Variants in DCAF1 observed in about 807,000 individuals in gnomAD.
DCAF1 encodes DDB1- and CUL4-associated factor 1.
DCAF1 carries 15 observed loss-of-function variants against 128.0 expected under a neutral mutation model. That is an observed-to-expected ratio of 0.12 (90% CI 0.08 to 0.18). The LOEUF is 0.18. DCAF1 is among the 10% of genes least tolerant of loss of function. DCAF1 has a pLI of 1.00. For synonymous variants in DCAF1, 610 were observed against 603.0 expected, an observed-to-expected ratio of 1.01 and a Z score of -0.17; for missense variants, 988 against 1,649.5, an observed-to-expected ratio of 0.60 and a Z score of 6.95.
At chr3:51,419,619 T>A (rs2107330855) in intron 15 of DCAF1, 115 bp downstream of exon 15, 1 of 1,476,342 alleles carries the variant, frequency 6.8e-7, no homozygotes. Flanking sequence ...TGTTCAAGTA[T>A]TACACAAAGT....
chr3:51,411,695 T>C (rs772803539), intron 23 of DCAF1, among the ~76,000 whole-genome samples: 52 of 152,260 alleles, frequency 3.4e-4, no homozygotes, highest in Non-Finnish European at 6.5e-4. Flanking sequence ...ACCAGAACTT[T>C]ATAAAGGTTA....
intron 6 of DCAF1, among the ~76,000 whole-genome samples, chr3:51,451,478 AAAAT>A (rs1553641485): frequency 1.3e-5 from 2 of 152,048 alleles, no homozygotes; most frequent in Non-Finnish European, 2.9e-5. Context: ...TTAAAAAATA[AAAAT>A]AAATAGATTT....
At chr3:51,457,708 T>A (rs538515353) in intron 6 of DCAF1, among the ~76,000 whole-genome samples, 5 of 152,132 alleles carry the variant, frequency 3.3e-5, no homozygotes, top group Non-Finnish European at 7.4e-5. Flanking sequence ...GACTAACAGC[T>A]GATCTCTCTG....
rs1699274072 is a variant in DCAF1 at position 51,420,226 on chromosome 3, C to A, written c.2744G>T (p.Ser915Ile). The change falls in exon 15 of 25, where the codon AGC (serine) becomes ATC (isoleucine). Residue 915 changes from serine (S) to isoleucine (I), a missense_variant. Transcript: ENST00000684031. The surrounding 1 kb of genome is among the most constrained non-coding windows in gnomAD (Gnocchi z 6.5). ...CGCAGAGGCACCCACAGCAGCATGG[C>A]TGCCCAGACGAGTTGCAATGCCATT... ...IANGIATRLG[S>I]HAAVGASAPS... The A allele has an allele frequency of 6.2e-7, 1 of 1,613,888 alleles. No homozygotes were observed.
chr3:51,416,995 CA>C, intron 17 of DCAF1, 124 bp from the exon 18 acceptor site: 1 of 1,430,078 alleles, frequency 7.0e-7, no homozygotes, highest in South Asian at 1.3e-5. Context: ...CCTGGACTCC[CA>C]AAGAGGAAAC....
chr3:51,464,201 T>C (rs1288835451), intron 5 of DCAF1, among the ~76,000 whole-genome samples: 1 of 151,962 alleles, frequency 6.6e-6, no homozygotes, highest in Non-Finnish European at 1.5e-5. Context: ...AGCAGGGCAA[T>C]ATGAGCTCCA....
upstream of DCAF1, among the ~76,000 whole-genome samples, chr3:51,502,342 G>A (rs1708840426): frequency 6.6e-6 from 1 of 152,078 alleles, no homozygotes; most frequent in Non-Finnish European, 1.5e-5. Context: ...AGACCAACCT[G>A]GGCAACATAG....
At chr3:51,429,890 GA>G (rs112905156) in intron 11 of DCAF1, 142 bp downstream of exon 11, 8,021 of 464,168 alleles carry the variant, frequency 0.017, 6 homozygotes, top group South Asian at 0.022. Context: ...TGAAGAAAGG[GA>G]AAAAAAAAAA....
At chr3:51,465,337 C>T (rs113779630) in intron 5 of DCAF1, among the ~76,000 whole-genome samples, 1,756 of 152,206 alleles carry the variant, frequency 0.012, 46 homozygotes, top group African/African-American at 0.038. Flanking sequence ...ACGTAAAATT[C>T]GAGGTGTATA....
At chr3:51,422,848 G>A (rs531321638) in intron 13 of DCAF1, among the ~76,000 whole-genome samples, 3 of 152,118 alleles carry the variant, frequency 2.0e-5, no homozygotes, top group Admixed American at 1.3e-4. Flanking sequence ...AGGATCACTT[G>A]AACCCAGGAG....
intron 2 of DCAF1, among the ~76,000 whole-genome samples, chr3:51,496,336 A>T (rs1421127499): frequency 6.6e-6 from 1 of 152,142 alleles, no homozygotes; most frequent in Non-Finnish European, 1.5e-5. Context: ...CTGAGGCAGC[A>T]GAATCGCTTG....
In DCAF1 at chr3:51,467,149, T is replaced by A. The variant is rs188092521; in HGVS notation, c.188-273A>T. Among the ~76,000 whole-genome samples, 3 of 152,158 alleles carry A rather than the reference T, an allele frequency of 2.0e-5. No homozygotes were observed. The East Asian group carries it at 5.8e-4, about 29-fold the overall frequency. On this transcript the variant is annotated intron_variant, in intron 4 of 24. Coordinates refer to ENST00000684031, the MANE Select transcript of DCAF1 (RefSeq NM_001387579.1). Reference sequence around the variant, plus strand: ...GAGTTTGAGAACAGCCTGGCCAACATGGCGAAATCCCATCTCTACTAAAAA... The same window carrying A: ...GAGTTTGAGAACAGCCTGGCCAACAAGGCGAAATCCCATCTCTACTAAAAA...
chr3:51,456,970 G>C (rs546125788), intron 6 of DCAF1, among the ~76,000 whole-genome samples: 1 of 152,222 alleles, frequency 6.6e-6, no homozygotes, highest in South Asian at 2.1e-4. Flanking sequence ...GAAAAAAACA[G>C]AGCAGAAAAA....
chr3:51,479,751 G>A (rs183849993), intron 3 of DCAF1, among the ~76,000 whole-genome samples: 133 of 151,634 alleles, frequency 8.8e-4, no homozygotes, highest in African/African-American at 2.3e-3. Context: ...AGCCAAGATC[G>A]CGCCACTGCA....
At chr3:51,474,604 TG>T (rs1553649724) in intron 3 of DCAF1, among the ~76,000 whole-genome samples, 1 of 151,136 alleles carries the variant, frequency 6.6e-6, no homozygotes, top group African/African-American at 2.4e-5. Context: ...TTGTTGGTGA[TG>T]GTTTTTTTTT....
At chr3:51,460,888 T>TA (rs1428470640) in intron 6 of DCAF1, among the ~76,000 whole-genome samples, 1 of 150,428 alleles carries the variant, frequency 6.6e-6, no homozygotes, top group Admixed American at 6.6e-5. Context: ...ATCCCTTCCT[T>TA]ACACCTTATA....
chr3:51,426,249 G>A (rs1272356341), intron 13 of DCAF1, among the ~76,000 whole-genome samples: 2 of 151,350 alleles, frequency 1.3e-5, no homozygotes, highest in South Asian at 2.1e-4. Flanking sequence ...TTGCTCTGTC[G>A]CCTAGGCTGG....
intron 23 of DCAF1, among the ~76,000 whole-genome samples, chr3:51,408,434 C>G (rs1553627369): frequency 6.6e-6 from 1 of 152,184 alleles, no homozygotes; most frequent in Non-Finnish European, 1.5e-5. Flanking sequence ...GACCTGAGAA[C>G]AGATATCTAG....
chr3:51,437,019 T>C (rs1232792018), intron 9 of DCAF1, among the ~76,000 whole-genome samples: 4 of 151,884 alleles, frequency 2.6e-5, no homozygotes, highest in African/African-American at 9.7e-5. Context: ...TCCCAGCACT[T>C]TGGGAGGCTG....
Sources: gnomAD v4.1 joint callset for allele counts (sites outside exome capture counted in the v4.1 genomes callset) on GRCh38, gnomAD v4.1.1 for gene constraint, Gnocchi (gnomAD v3.1) non-coding constraint, MANE v1.5 for transcripts, NCBI Gene and HGNC (gene_info 2026-07-23, HGNC 2026-07-21) for gene names.